The following DAGLB variants were observed in gnomAD, a reference collection of about 807,000 sequenced individuals.
DAGLB encodes diacylglycerol lipase beta.
Under a neutral mutation model 72.1 loss-of-function variants are expected in DAGLB, and 66 were observed. The ratio of observed to expected loss-of-function variants is 0.92; its 90% confidence interval spans 0.75 to 1.12. The LOEUF (loss-of-function observed/expected upper bound fraction) is 1.12, where lower values mean the gene tolerates loss of function less well. DAGLB is among the 50% of genes most tolerant of loss of function. DAGLB has a pLI of 0.00. For missense variants in DAGLB, 1,065 were observed against 884.9 expected (o/e 1.20, Z -2.58); for synonymous variants, 414 against 359.5 (o/e 1.15, Z -1.71).
intron 9 of DAGLB, among the ~76,000 whole-genome samples, chr7:6,418,528 T>A (rs563734694): frequency 6.1e-4 from 93 of 152,280 alleles, no homozygotes; most frequent in African/African-American, 2.0e-3. Context: ...CTCAGTGTGC[T>A]CCTGTGCTGG....
rs538135125 is a variant in DAGLB, at chr7:6,430,808, G to C, written c.802-201C>G. Reference sequence around the variant, plus strand: ...CATTTTTTTTTTTTTTTAGAGTCTCGCTCTGTCACCAGGCTGGAGTGCAGT... The same window carrying C: ...CATTTTTTTTTTTTTTTAGAGTCTCCCTCTGTCACCAGGCTGGAGTGCAGT... On this transcript the variant is annotated intron_variant, in intron 5 of 14. Transcript: ENST00000297056. 4.6e-4 allele frequency among the ~76,000 whole-genome samples: 69 copies of C among 148,964 alleles called. 1 individual carries two copies. Among genetic ancestry groups the C allele is most frequent in the African/African-American group, 1.6e-3 (65 of 40,458 alleles).
chr7:6,419,608 G>C (rs1046383656), intron 9 of DAGLB, among the ~76,000 whole-genome samples: 3 of 152,186 alleles, frequency 2.0e-5, no homozygotes, highest in African/African-American at 7.2e-5. Flanking sequence ...CAGCCTTCCC[G>C]ACCCAAGGGA....
intron 6 of DAGLB, among the ~76,000 whole-genome samples, chr7:6,428,712 C>A (rs1784389782): frequency 6.6e-6 from 1 of 152,142 alleles, no homozygotes; most frequent in Admixed American, 6.6e-5. Flanking sequence ...GTCTTGAACT[C>A]CTGACCTCAG....
chr7:6,441,320 T>C (rs1419556855), intron 2 of DAGLB, among the ~76,000 whole-genome samples: 2 of 151,126 alleles, frequency 1.3e-5, no homozygotes, highest in South Asian at 4.2e-4. Flanking sequence ...CTCAATCTCC[T>C]CACCTCATGA....
At chr7:6,447,413 T>C (rs1785043154) in intron 1 of DAGLB, among the ~76,000 whole-genome samples, 1 of 152,182 alleles carries the variant, frequency 6.6e-6, no homozygotes, top group Admixed American at 6.5e-5. Context: ...CCAAGGCTTT[T>C]GCCGGCGGTA....
rs575822912 is a variant in DAGLB, at chr7:6,415,543, A to T, written c.1427+1084T>A. Reference sequence around the variant, plus strand: ...CAGTATGCTGGAATCAGCAAAAAAAAATATAAACTTTTCAGCCAGGCGTGG... The same window carrying T: ...CAGTATGCTGGAATCAGCAAAAAAATATATAAACTTTTCAGCCAGGCGTGG... On this transcript the variant is annotated intron_variant, in intron 11 of 14. Coordinates refer to ENST00000297056, the MANE Select transcript of DAGLB (RefSeq NM_139179.4). Among the ~76,000 whole-genome samples the T allele has an allele frequency of 2.0e-3, 302 of 152,012 alleles. 2 individuals are homozygous for T. The highest frequency in any genetic ancestry group is 6.8e-3 in the African/African-American group (284 of 41,500).
intron 8 of DAGLB, among the ~76,000 whole-genome samples, chr7:6,424,379 G>C (rs902611649): frequency 1.3e-5 from 2 of 152,100 alleles, no homozygotes; most frequent in Admixed American, 6.5e-5. Flanking sequence ...ACTCTCTGCA[G>C]CAAGACTGAC....
At chr7:6,411,969 G>A (rs998647965) in intron 13 of DAGLB, among the ~76,000 whole-genome samples, 40 of 97,728 alleles carry the variant, frequency 4.1e-4, no homozygotes, top group African/African-American at 2.4e-3. Flanking sequence ...TATCCAACAG[G>A]CTGGAGTGCG....
At chr7:6,420,701 C>G (rs1784085852) in intron 9 of DAGLB, among the ~76,000 whole-genome samples, 2 of 146,672 alleles carry the variant, frequency 1.4e-5, no homozygotes, top group South Asian at 4.3e-4. Flanking sequence ...AACAGTGAAA[C>G]TGACCAATGT....
In DAGLB at chr7:6,411,298, C is replaced by T. The variant is rs181173073; in HGVS notation, c.1570-918G>A. ...TGCTGGGATTACAGGCGTGAGCCAC[C>T]GGGCCCGCCCTAGATACTAATTTCT... On this transcript the variant is annotated intron_variant, in intron 13 of 14. Coordinates refer to ENST00000297056, the MANE Select transcript of DAGLB (RefSeq NM_139179.4). Among the ~76,000 whole-genome samples the T allele has an allele frequency of 7.7e-3, 1,170 of 152,100 alleles. 11 individuals are homozygous for T. Among genetic ancestry groups the T allele is most frequent in the African/African-American group, 0.026 (1,091 of 41,540 alleles).
chr7:6,427,857 A>G (rs536652888), intron 6 of DAGLB, among the ~76,000 whole-genome samples: 2 of 152,386 alleles, frequency 1.3e-5, no homozygotes, highest in South Asian at 2.1e-4. Context: ...CACTGGAGCC[A>G]GTCTGCAGGA....
rs1783678774 is a variant in DAGLB, at chr7:6,410,336, T to TC, written c.1613dup (p.Asn539LysfsTer79). The TC allele has an allele frequency of 6.2e-7, 1 of 1,613,896 alleles. No homozygotes were observed. The highest frequency in any genetic ancestry group is 8.5e-7 in the Non-Finnish European group (1 of 1,179,986). On this transcript the variant is annotated frameshift_variant, in exon 14 of 15. Transcript: ENST00000297056. LOFTEE classifies it high-confidence loss of function. The stretch of plus-strand genomic sequence containing the variant: ...GCTCCGTGGGCAAGTTGTTGGGGTT[T>TC]CCTCCAAACAGTTCGTACCACAAAC...
rs1176669550 is a variant in DAGLB, at chr7:6,435,086, G to T, written c.420-66C>A. 2.5e-6 allele frequency: 4 copies of T among 1,579,720 alleles called. No individual in the cohort carries two copies. In the Admixed American group the frequency reaches 7.1e-5, roughly 28 times the overall value. On this transcript the variant is annotated intron_variant, in intron 3 of 14. Transcript: ENST00000297056. ...CCCAGCCCAGACGCAGATGTCCGGG[G>T]TCCCTCCTCCAGGTTCAGTTTCTGA...
chr7:6,424,842 G>C lies in DAGLB; in HGVS notation c.1057-7C>G. On this transcript the variant is annotated splice_polypyrimidine_tract_variant and splice_region_variant and intron_variant, in intron 7 of 14. Coordinates refer to ENST00000297056, the MANE Select transcript of DAGLB (RefSeq NM_139179.4). ...AAAACGGCAGCTCGTAAACCTGCAG[G>C]AGCAAGAAACAAGCATGGGGCCTAA... 2 of 1,613,460 alleles carry C rather than the reference G, an allele frequency of 1.2e-6. No homozygotes were observed. The highest frequency in any genetic ancestry group is 1.3e-5 in the African/African-American group (1 of 75,028).
intron 11 of DAGLB, among the ~76,000 whole-genome samples, chr7:6,414,975 C>A (rs1783855548): frequency 6.6e-6 from 1 of 151,970 alleles, no homozygotes; most frequent in Non-Finnish European, 1.5e-5. Context: ...TCAAGACCAG[C>A]CTGGGCAACA....
At chr7:6,446,128 G>A (rs568580768) in intron 1 of DAGLB, 24 bp from the exon 2 acceptor site, 21 of 1,581,884 alleles carry the variant, frequency 1.3e-5, no homozygotes, top group African/African-American at 6.9e-5. Context: ...AAAAGGGAAG[G>A]GTCAGAAATG....
intron 2 of DAGLB, among the ~76,000 whole-genome samples, chr7:6,443,207 CAAAAAA>C (rs542608003): frequency 2.4e-5 from 1 of 41,304 alleles, no homozygotes; most frequent in Non-Finnish European, 6.2e-5. Context: ...AAACAAAAAA[CAAAAAA>C]AACAAAACAA....
Position 6,413,030 on chromosome 7 carries a change from C to T in DAGLB, c.1432G>A (p.Ala478Thr), listed in dbSNP as rs1237271418. The T allele has an allele frequency of 6.2e-7, 1 of 1,612,564 alleles. No homozygotes were observed. The change falls in exon 12 of 15, where the codon GCT becomes ACT. Residue 478 changes from alanine to threonine, a missense_variant. Transcript: ENST00000297056. ...AAGCTCTGAGAATATTCCTGCAGAG[C>T]TTTGCTGAAATTCCAAACAGAGAGA... ...FSPPRGLWSKALQEYSQSFIV... is the reference protein window; with the variant it reads ...FSPPRGLWSKTLQEYSQSFIV...
chr7:6,418,662 CTTTT>C (rs1366642076), intron 9 of DAGLB, among the ~76,000 whole-genome samples: 1 of 129,618 alleles, frequency 7.7e-6, no homozygotes, highest in African/African-American at 3.8e-5. Context: ...CTACAAGTTT[CTTTT>C]TTTGTTTTTT....
Sources: allele counts gnomAD v4.1 joint callset (sites outside exome capture counted in the v4.1 genomes callset), GRCh38; gene constraint gnomAD v4.1.1; transcripts MANE v1.5; gene names NCBI Gene and HGNC (gene_info 2026-07-23, HGNC 2026-07-21).